Variants in PTPRZ1 observed in about 807,000 individuals in gnomAD.
PTPRZ1 encodes the protein receptor-type tyrosine-protein phosphatase zeta.
Under a neutral mutation model 214.1 loss-of-function variants are expected in PTPRZ1, and 82 were observed. The ratio of observed to expected loss-of-function variants is 0.38; its 90% CI spans 0.32 to 0.46. PTPRZ1 has a LOEUF of 0.46. Ranked by LOEUF, PTPRZ1 falls within the 20% of genes least tolerant of loss-of-function variation. The pLI is 1.00. For missense variants in PTPRZ1, 2,603 were observed against 2,748.7 expected, an observed-to-expected ratio of 0.95 and a Z score of 1.19; for synonymous variants, 945 against 987.9, an observed-to-expected ratio of 0.96 and a Z score of 0.81.
intron 1 of PTPRZ1, among the ~76,000 whole-genome samples, chr7:121,891,320 C>T (rs907007513): frequency 3.3e-5 from 5 of 151,798 alleles, no homozygotes; most frequent in Non-Finnish European, 7.4e-5. Context: ...TTATTTTATT[C>T]TCTATCTCTT....
intron 10 of PTPRZ1, among the ~76,000 whole-genome samples, chr7:122,001,480 A>G (rs979114845): frequency 3.9e-5 from 6 of 152,178 alleles, no homozygotes; most frequent in South Asian, 2.1e-4. Context: ...TTTTCTTGTT[A>G]CTGTGTGCTT....
intron 11 of PTPRZ1, 68 bp downstream of exon 11, chr7:122,004,728 T>G (rs995115052): frequency 3.4e-5 from 30 of 891,108 alleles, no homozygotes; most frequent in Non-Finnish European, 4.7e-5. Flanking sequence ...GTTGCTTGGG[T>G]GTTAGGTATT....
intron 2 of PTPRZ1, among the ~76,000 whole-genome samples, chr7:121,957,836 A>G (rs560876300): frequency 1.3e-5 from 2 of 152,344 alleles, no homozygotes; most frequent in South Asian, 4.1e-4. Context: ...GGGCATGAAC[A>G]TCAGATTTCT....
At chr7:121,969,844 C>A (rs1341859687) in intron 3 of PTPRZ1, among the ~76,000 whole-genome samples, 1 of 151,552 alleles carries the variant, frequency 6.6e-6, no homozygotes, top group Non-Finnish European at 1.5e-5. Flanking sequence ...GGTACATGTG[C>A]ACAACATGCA....
At chr7:121,975,494 A>C (rs998828916) in intron 4 of PTPRZ1, among the ~76,000 whole-genome samples, 2 of 152,170 alleles carry the variant, frequency 1.3e-5, no homozygotes, top group Non-Finnish European at 2.9e-5. Context: ...AGCCACTGCT[A>C]TCCTCTGTTG....
At chr7:121,943,267 T>A (rs1029797724) in intron 2 of PTPRZ1, among the ~76,000 whole-genome samples, 4 of 152,238 alleles carry the variant, frequency 2.6e-5, no homozygotes, top group Non-Finnish European at 4.4e-5. Flanking sequence ...GTTCTTTTTT[T>A]GACAGTGAAA....
At chr7:121,998,716 T>G (rs145657932) in intron 10 of PTPRZ1, among the ~76,000 whole-genome samples, 121 of 152,282 alleles carry the variant, frequency 7.9e-4, no homozygotes, top group African/African-American at 2.7e-3. Flanking sequence ...CTCTTGTTAG[T>G]GTAAGCAGTT....
At chr7:122,000,917 C>T (rs993489801) in intron 10 of PTPRZ1, among the ~76,000 whole-genome samples, 4 of 151,616 alleles carry the variant, frequency 2.6e-5, no homozygotes, top group Non-Finnish European at 4.4e-5. Flanking sequence ...AACTCCTGAC[C>T]TCGTGATCCA....
intron 2 of PTPRZ1, among the ~76,000 whole-genome samples, chr7:121,947,907 A>G (rs1796433737): frequency 6.6e-6 from 1 of 152,072 alleles, no homozygotes; most frequent in Non-Finnish European, 1.5e-5. Context: ...AATTTCACGC[A>G]CTATTGAACT....
chr7:121,951,705 A>C (rs1050066069), intron 2 of PTPRZ1, among the ~76,000 whole-genome samples: 1 of 152,156 alleles, frequency 6.6e-6, no homozygotes, highest in Non-Finnish European at 1.5e-5. Flanking sequence ...TACCTGTAGA[A>C]GTCCTAAGCC....
In PTPRZ1 at chr7:122,012,931, G is replaced by C. The variant is rs755670224; in HGVS notation, c.3885G>C (p.Thr1295=). 6.2e-7 allele frequency: 1 copy of C among 1,613,808 alleles called. No individual in the cohort carries two copies. The highest frequency in any genetic ancestry group is 8.5e-7 in the Non-Finnish European group (1 of 1,179,900). The part of the protein sequence containing the change: ...SLYSNDELFQ[T]ANLEINQAHP... ...ACAGTAATGATGAGTTGTTCCAAAC[G>C]GCCAATTTGGAGATTAACCAGGCCC... is the stretch of plus-strand genomic sequence containing the variant. The change falls in exon 12 of 30, where the codon ACG becomes ACC. Residue 1295 remains threonine (T), a synonymous_variant. Coordinates refer to ENST00000393386, the MANE Select transcript of PTPRZ1 (RefSeq NM_002851.3).
intron 27 of PTPRZ1, among the ~76,000 whole-genome samples, chr7:122,056,679 A>G (rs574841560): frequency 1.3e-5 from 2 of 151,914 alleles, no homozygotes; most frequent in South Asian, 2.1e-4. Context: ...AAGGTTTGAC[A>G]ATTATGTTAA....
At chr7:121,913,887 A>G (rs1473949710) in intron 1 of PTPRZ1, among the ~76,000 whole-genome samples, 1 of 152,260 alleles carries the variant, frequency 6.6e-6, no homozygotes, top group Non-Finnish European at 1.5e-5. Flanking sequence ...AAGTTCAGAC[A>G]AAAACCGTCT....
chr7:121,887,426 G>A (rs1007522), intron 1 of PTPRZ1, among the ~76,000 whole-genome samples: 88,101 of 151,882 alleles, frequency 0.58, 27,069 homozygotes, highest in African/African-American at 0.79. Context: ...TTAGAATTCA[G>A]TTCACCCTCA....
intron 20 of PTPRZ1, 51 bp from the exon 21 acceptor site, chr7:122,040,765 T>C: frequency 1.9e-6 from 2 of 1,070,354 alleles, no homozygotes; most frequent in Non-Finnish European, 2.6e-6. Flanking sequence ...TGTGTGTGTG[T>C]GTGTGTGTGT....
Position 121,873,398 on chromosome 7 carries a change from A to T in PTPRZ1, c.-102A>T. On this transcript the variant is annotated 5_prime_UTR_variant, in exon 1 of 30. Transcript: ENST00000393386. ...CTCACTTCGATCTATACACTGGAGG[A>T]TTAAAACAAACAAACAAAAAAAACA... The T allele has an allele frequency of 8.5e-7, 1 of 1,175,314 alleles. No individual in the cohort carries two copies. Among genetic ancestry groups the T allele is most frequent in the East Asian group, 2.5e-5 (1 of 39,664 alleles). The allele number at this position is 1,175,314 out of a possible 1,614,324, so 72.8% of individuals were successfully genotyped here.
rs1799279497 is a variant in PTPRZ1, at chr7:122,028,655, A to G, written c.5080+12A>G. Reference sequence around the variant, plus strand: ...CTTTCCAATTTCAGGTAATGGCTTAAAGTGTGACCATGAGTAGCTGGTAGA... The same window carrying G: ...CTTTCCAATTTCAGGTAATGGCTTAGAGTGTGACCATGAGTAGCTGGTAGA... On this transcript the variant is annotated intron_variant, in intron 14 of 29. Transcript: ENST00000393386. 1 of 1,510,980 alleles carries G rather than the reference A, an allele frequency of 6.6e-7. No homozygotes were observed. The highest frequency in any genetic ancestry group is 9.2e-7 in the Non-Finnish European group (1 of 1,087,446). 93.6% of individuals were successfully genotyped at this position (1,510,980 alleles called of 1,614,324 possible). A position where few individuals can be genotyped will look rare whatever the true frequency, so the allele number is the denominator to read the frequency against.
intron 2 of PTPRZ1, among the ~76,000 whole-genome samples, chr7:121,965,998 T>C (rs1325496275): frequency 1.3e-5 from 2 of 152,112 alleles, no homozygotes; most frequent in Non-Finnish European, 2.9e-5. Context: ...AGGCAAATGA[T>C]GACAGTGACT....
intron 2 of PTPRZ1, among the ~76,000 whole-genome samples, chr7:121,942,840 C>G (rs928101312): frequency 6.6e-6 from 1 of 152,150 alleles, no homozygotes; most frequent in Non-Finnish European, 1.5e-5. Flanking sequence ...GATAGTCACA[C>G]CACTTTCCAA....
Sources: allele counts gnomAD v4.1 joint callset (sites outside exome capture counted in the v4.1 genomes callset), GRCh38; gene constraint gnomAD v4.1.1; transcripts MANE v1.5; gene names NCBI Gene and HGNC (gene_info 2026-07-23, HGNC 2026-07-21).